Variants in TMOD3 observed in about 807,000 individuals in gnomAD.
The protein encoded by TMOD3 is tropomodulin 3.
TMOD3 carries 20 observed loss-of-function variants against 39.2 expected under a neutral mutation model. The ratio of observed to expected loss-of-function variants is 0.51; its 90% confidence interval spans 0.36 to 0.74. The LOEUF (loss-of-function observed/expected upper bound fraction) is 0.74. Ranked by LOEUF, TMOD3 falls within the 30% of genes least tolerant of loss-of-function variation. The probability of loss-of-function intolerance (pLI) is 0.00; values close to 1 mark genes in which losing one functional copy is unlikely to be tolerated. For synonymous variants in TMOD3, 143 were observed against 145.8 expected (o/e 0.98, Z 0.14); for missense variants, 381 against 412.8 (o/e 0.92, Z 0.67).
At chr15:51,830,871 C>T (rs1008235108) in intron 1 of TMOD3, among the ~76,000 whole-genome samples, 1 of 152,186 alleles carries the variant, frequency 6.6e-6, no homozygotes, top group African/African-American at 2.4e-5. Flanking sequence ...CACCTTTTCA[C>T]CTTTAAGAGT....
chr15:51,902,161 A>G, intron 9 of TMOD3, 125 bp downstream of exon 9: 1 of 1,100,208 alleles, frequency 9.1e-7, no homozygotes, highest in Non-Finnish European at 1.3e-6. Context: ...TAAAATCTGC[A>G]TGGTCCTTTA....
At chr15:51,907,705 A>G (rs984773438) in intron 9 of TMOD3, among the ~76,000 whole-genome samples, 6 of 152,232 alleles carry the variant, frequency 3.9e-5, no homozygotes, top group African/African-American at 1.4e-4. Flanking sequence ...GGAGCCGGCC[A>G]CAATGCTGAT....
At chr15:51,841,951 C>G (rs1459610222) in intron 1 of TMOD3, among the ~76,000 whole-genome samples, 1 of 151,646 alleles carries the variant, frequency 6.6e-6, no homozygotes, top group East Asian at 1.9e-4. Flanking sequence ...TTTTTATGTA[C>G]TTGTAGTAGA....
intron 8 of TMOD3, among the ~76,000 whole-genome samples, chr15:51,900,528 G>T (rs1287997503): frequency 6.6e-6 from 1 of 152,154 alleles, no homozygotes; most frequent in Non-Finnish European, 1.5e-5. Context: ...AGAGAATTTA[G>T]ATGGCTATCT....
At chr15:51,833,444 A>G (rs1389913965) in intron 1 of TMOD3, 7 of 152,272 alleles carry the variant, frequency 4.6e-5, no homozygotes, top group Non-Finnish European at 7.3e-5. Context: ...AGTTCTGACA[A>G]TTGTATACAC....
chr15:51,849,937 A>T (rs930515077), intron 1 of TMOD3, among the ~76,000 whole-genome samples: 33 of 140,820 alleles, frequency 2.3e-4, no homozygotes, highest in African/African-American at 7.6e-4. Context: ...CTGTCTCAAT[A>T]AAAAAAAAAA....
intron 2 of TMOD3, among the ~76,000 whole-genome samples, chr15:51,868,029 A>G (rs544951965): frequency 7.9e-5 from 12 of 152,324 alleles, no homozygotes; most frequent in African/African-American, 2.9e-4. Flanking sequence ...ATGTGAAACA[A>G]TGATAGTGAT....
At position 51,910,881 on chromosome 15, in the gene TMOD3, C is replaced by G. The variant is rs1936404369; in HGVS notation, c.*2071C>G. ...TCAGTTAAAGGCCACTGATATTTTT[C>G]TAAGTTAGCAAGGCTCACTTGCTTG... On this transcript the variant is annotated 3_prime_UTR_variant, in exon 10 of 10. Coordinates refer to ENST00000308580, the MANE Select transcript of TMOD3 (RefSeq NM_014547.5). 6.6e-6 allele frequency: 1 copy of G among 151,882 alleles called. No homozygotes were observed. 9.4% of individuals were successfully genotyped at this position (151,882 alleles called of 1,614,324 possible).
At chr15:51,839,942 A>C (rs907207331) in intron 1 of TMOD3, among the ~76,000 whole-genome samples, 1 of 152,152 alleles carries the variant, frequency 6.6e-6, no homozygotes, top group African/African-American at 2.4e-5. Context: ...GATATGATAA[A>C]ACCAAGTTCT....
intron 1 of TMOD3, among the ~76,000 whole-genome samples, chr15:51,841,710 C>G (rs1278546796): frequency 6.6e-6 from 1 of 152,160 alleles, no homozygotes. Context: ...CTGAAACTAT[C>G]CCCAATTGCC....
chr15:51,889,230 A>G (rs2056580508), intron 5 of TMOD3, 85 bp downstream of exon 5: 4 of 832,372 alleles, frequency 4.8e-6, no homozygotes, highest in Non-Finnish European at 8.0e-6. Flanking sequence ...GTGTTCACAT[A>G]CTAGATGTTA....
intron 6 of TMOD3, among the ~76,000 whole-genome samples, chr15:51,895,803 T>C (rs2056617816): frequency 6.6e-6 from 1 of 152,170 alleles, no homozygotes; most frequent in African/African-American, 2.4e-5. Flanking sequence ...TCCACTTTTA[T>C]TTTCATATAA....
intron 3 of TMOD3, among the ~76,000 whole-genome samples, chr15:51,873,271 C>T (rs1375250011): frequency 1.3e-5 from 2 of 152,148 alleles, no homozygotes; most frequent in Admixed American, 6.5e-5. Context: ...AATCCAGAAG[C>T]TTGTTTTTTA....
chr15:51,840,998 G>T (rs1353118186), intron 1 of TMOD3, among the ~76,000 whole-genome samples: 1 of 152,198 alleles, frequency 6.6e-6, no homozygotes, highest in Admixed American at 6.5e-5. Context: ...GTGATATTGT[G>T]TAAAACGTAT....
At chr15:51,849,790 C>G (rs770609631) in intron 1 of TMOD3, among the ~76,000 whole-genome samples, 2 of 151,988 alleles carry the variant, frequency 1.3e-5, no homozygotes, top group Non-Finnish European at 2.9e-5. Flanking sequence ...AAAAATTAGC[C>G]AGGCATGGTG....
chr15:51,829,700 C>G lies in TMOD3; in HGVS notation c.-211C>G, dbSNP rs1305290105. On this transcript the variant is annotated 5_prime_UTR_variant, in exon 1 of 10. Transcript: ENST00000308580. ...ACAGGGCGGTCGAGTGAGGGAGCTG[C>G]TGGCGGGTGGGTCTGGCAACTCTTT... 6.6e-6 allele frequency: 1 copy of G among 152,374 alleles called. No homozygotes were observed. The highest frequency in any genetic ancestry group is 2.4e-5 in the African/African-American group (1 of 41,460). The allele number at this position is 152,374 out of a possible 1,614,324, so 9.4% of individuals were successfully genotyped here. A position where few individuals can be genotyped will look rare whatever the true frequency, so the allele number is the denominator to read the frequency against.
chr15:51,885,187 C>T (rs918940295), intron 3 of TMOD3, among the ~76,000 whole-genome samples: 11 of 151,984 alleles, frequency 7.2e-5, no homozygotes, highest in Non-Finnish European at 1.3e-4. Context: ...TTTTTCCATT[C>T]CTTTCATATT....
chr15:51,901,989 G>A lies in TMOD3; in HGVS notation c.977G>A (p.Gly326Glu), dbSNP rs1864523559. ...LKFGYQFTQQ[G>E]PRTRAANAIT... Reference sequence around the variant, plus strand: ...TTTGGATATCAGTTTACACAGCAGGGACCACGAACCAGAGCAGCTAATGCT... The same window carrying A: ...TTTGGATATCAGTTTACACAGCAGGAACCACGAACCAGAGCAGCTAATGCT... The change falls in exon 9 of 10, where the codon GGA (glycine) becomes GAA (glutamate). Residue 326 changes from glycine (G) to glutamate (E), a missense_variant. Coordinates refer to ENST00000308580, the MANE Select transcript of TMOD3 (RefSeq NM_014547.5). 6.2e-7 allele frequency: 1 copy of A among 1,613,946 alleles called. No homozygotes were observed. The highest frequency in any genetic ancestry group is 8.5e-7 in the Non-Finnish European group (1 of 1,180,004).
At chr15:51,893,548 G>A (rs1436528100) in intron 5 of TMOD3, among the ~76,000 whole-genome samples, 3 of 152,056 alleles carry the variant, frequency 2.0e-5, no homozygotes, top group East Asian at 1.9e-4. Flanking sequence ...GGGTTGATAC[G>A]AGGTCAGGAG....
Sources: gnomAD v4.1 joint callset for allele counts (sites outside exome capture counted in the v4.1 genomes callset) on GRCh38, gnomAD v4.1.1 for gene constraint, MANE v1.5 for transcripts, NCBI Gene and HGNC (gene_info 2026-07-23, HGNC 2026-07-21) for gene names.